HS6ST3: variants seen among roughly 807,000 people sequenced by gnomAD.
HS6ST3 encodes heparan sulfate 6-O-sulfotransferase 3, also known as heparan-sulfate 6-O-sulfotransferase 3.
Under a neutral mutation model 36.7 loss-of-function variants are expected in HS6ST3, and 12 were observed. That is an observed-to-expected ratio of 0.33 (90% confidence interval 0.21 to 0.53). The LOEUF is 0.53. Among genes scored for constraint, HS6ST3 ranks in the 20% least tolerant of loss-of-function variants. HS6ST3 has a pLI of 0.95. For synonymous variants in HS6ST3, 240 were observed against 257.5 expected (o/e 0.93, Z 0.65); for missense variants, 584 against 640.9 (o/e 0.91, Z 0.96).
At chr13:96,638,002 A>G (rs1179681918) in intron 1 of HS6ST3, among the ~76,000 whole-genome samples, 1 of 152,016 alleles carries the variant, frequency 6.6e-6, no homozygotes, top group African/African-American at 2.4e-5. Context: ...ATTTCTGGAG[A>G]AAACACCTAG....
intron 1 of HS6ST3, among the ~76,000 whole-genome samples, chr13:96,642,305 T>G (rs2056573015): frequency 6.6e-6 from 1 of 151,932 alleles, no homozygotes; most frequent in Admixed American, 6.6e-5. Flanking sequence ...TCTTTCACTA[T>G]TCTCTGTTCA....
chr13:96,554,881 G>T (rs556923642), intron 1 of HS6ST3, among the ~76,000 whole-genome samples: 3 of 151,680 alleles, frequency 2.0e-5, no homozygotes, highest in Admixed American at 2.0e-4. Flanking sequence ...CCAACTCCTG[G>T]GCTCAAGTGA....
intron 1 of HS6ST3, among the ~76,000 whole-genome samples, chr13:96,361,597 C>T (rs934770689): frequency 1.3e-5 from 2 of 152,082 alleles, no homozygotes; most frequent in Admixed American, 6.5e-5. Context: ...AAACAGAGAG[C>T]GGGCTGCTTG....
intron 1 of HS6ST3, among the ~76,000 whole-genome samples, chr13:96,497,275 A>G (rs1566378216): frequency 6.6e-6 from 1 of 152,060 alleles, no homozygotes; most frequent in African/African-American, 2.4e-5. Context: ...TAATGTTACT[A>G]CCTGCATTGG....
chr13:96,459,691 G>A (rs954539110), intron 1 of HS6ST3, among the ~76,000 whole-genome samples: 1 of 152,112 alleles, frequency 6.6e-6, no homozygotes, highest in African/African-American at 2.4e-5. Context: ...TTGCATACAT[G>A]TTCCTTTCTC....
At position 96,745,989 on chromosome 13, in the gene HS6ST3, A is replaced by G. The variant is rs1207019976; in HGVS notation, c.708-86501A>G. Among the ~76,000 whole-genome samples, 6 of 152,206 alleles carry G rather than the reference A, an allele frequency of 3.9e-5. 1 individual carries two copies. The Middle Eastern group carries it at 0.014, about 345-fold the overall frequency. On this transcript the variant is annotated intron_variant, in intron 1 of 1. Transcript: ENST00000376705. ...TTTCTGATTGGTTTTTCTAATGGGCATAAGTTGTCTAGTTTTAAAAAAAAG... is the reference window on the plus strand; with the variant it reads ...TTTCTGATTGGTTTTTCTAATGGGCGTAAGTTGTCTAGTTTTAAAAAAAAG...
chr13:96,534,253 C>T (rs1241623828), intron 1 of HS6ST3, among the ~76,000 whole-genome samples: 1 of 152,118 alleles, frequency 6.6e-6, no homozygotes, highest in East Asian at 1.9e-4. Context: ...AATGGATGCT[C>T]ATGGAACTCA....
At chr13:96,581,075 C>T (rs1458402954) in intron 1 of HS6ST3, among the ~76,000 whole-genome samples, 1 of 152,080 alleles carries the variant, frequency 6.6e-6, no homozygotes, top group Non-Finnish European at 1.5e-5. Flanking sequence ...CTATTTCATA[C>T]ATGCTTTTTT....
At chr13:96,597,564 C>T (rs553587834) in intron 1 of HS6ST3, among the ~76,000 whole-genome samples, 61 of 151,082 alleles carry the variant, frequency 4.0e-4, no homozygotes, top group Admixed American at 1.6e-3. Context: ...GATTTGAGTT[C>T]CTTGTAGATT....
At chr13:96,417,819 GAATT>G (rs2055542253) in intron 1 of HS6ST3, among the ~76,000 whole-genome samples, 1 of 150,944 alleles carries the variant, frequency 6.6e-6, no homozygotes, top group East Asian at 2.0e-4. Context: ...TGTGAAAGCT[GAATT>G]AATTAATACT....
chr13:96,453,687 G>T (rs1594783677), intron 1 of HS6ST3, among the ~76,000 whole-genome samples: 1 of 152,116 alleles, frequency 6.6e-6, no homozygotes, highest in African/African-American at 2.4e-5. Flanking sequence ...TTAGCTACTG[G>T]TTACTTTGCT....
chr13:96,679,263 G>T (rs1451004443), intron 1 of HS6ST3, among the ~76,000 whole-genome samples: 1 of 151,530 alleles, frequency 6.6e-6, no homozygotes, highest in African/African-American at 2.4e-5. Context: ...TAACATCGTA[G>T]TATCCTAATA....
chr13:96,747,994 G>C (rs191980050), intron 1 of HS6ST3, among the ~76,000 whole-genome samples: 2 of 152,146 alleles, frequency 1.3e-5, no homozygotes, highest in East Asian at 3.9e-4. Flanking sequence ...TAAGTGAGAA[G>C]GCTGTAGGTC....
At chr13:96,301,898 T>TATGATAATA (rs1555296604) in intron 1 of HS6ST3, among the ~76,000 whole-genome samples, 1 of 137,764 alleles carries the variant, frequency 7.3e-6, no homozygotes, top group Non-Finnish European at 1.6e-5. Context: ...AGACTCCATC[T>TATGATAATA]ATAATAATAA....
At chr13:96,794,445 A>G (rs949719751) in intron 1 of HS6ST3, among the ~76,000 whole-genome samples, 2 of 152,244 alleles carry the variant, frequency 1.3e-5, no homozygotes. Context: ...ATTCTTTTCA[A>G]TATTTAGATT....
intron 1 of HS6ST3, among the ~76,000 whole-genome samples, chr13:96,781,093 G>T (rs1057252500): frequency 6.6e-6 from 1 of 152,114 alleles, no homozygotes; most frequent in South Asian, 2.1e-4. Context: ...CTATGAAGAC[G>T]CTCATTCTTC....
chr13:96,234,279 A>G (rs2054523367), intron 1 of HS6ST3, among the ~76,000 whole-genome samples: 1 of 151,774 alleles, frequency 6.6e-6, no homozygotes, highest in African/African-American at 2.4e-5. Context: ...GCATGGTGGC[A>G]CGTGCCTGTA....
In HS6ST3 at chr13:96,268,295, G is replaced by T. The variant is rs557802841; in HGVS notation, c.707+176726G>T. On this transcript the variant is annotated intron_variant, in intron 1 of 1. Transcript: ENST00000376705. ...AATTGACTCACAGTTCCACAGGGCT[G>T]GGGAGGCCTCAGGAAACTTACAATC... Among the ~76,000 whole-genome samples the T allele has an allele frequency of 2.7e-4, 41 of 152,044 alleles. 2 individuals carry two copies. The highest frequency in any genetic ancestry group is 6.8e-3 in the Middle Eastern group (2 of 294).
At chr13:96,260,394 C>A (rs1298274548) in intron 1 of HS6ST3, among the ~76,000 whole-genome samples, 1 of 151,806 alleles carries the variant, frequency 6.6e-6, no homozygotes, top group Non-Finnish European at 1.5e-5. Context: ...TCACTGCAAG[C>A]TCTGCCTCCT....
Sources: gnomAD v4.1 joint callset for allele counts (sites outside exome capture counted in the v4.1 genomes callset) on GRCh38, gnomAD v4.1.1 for gene constraint, MANE v1.5 for transcripts, NCBI Gene and HGNC (gene_info 2026-07-23, HGNC 2026-07-21) for gene names.